The following KLF15 variants were observed in gnomAD, a reference collection of about 807,000 sequenced individuals.
The protein encoded by KLF15 is KLF transcription factor 15.
KLF15 carries 4 observed loss-of-function variants against 24.6 expected under a neutral mutation model. The observed-to-expected ratio is 0.16, with a 90% CI of 0.08 to 0.37. The LOEUF is 0.37. KLF15 is among the 10% of genes least tolerant of loss of function. The pLI is 1.00. For synonymous variants in KLF15, 246 were observed against 236.3 expected (o/e 1.04, Z -0.37); for missense variants, 496 against 560.6 (o/e 0.88, Z 1.16).
chr3:126,331,603 G>C, the KLF15 span, among the ~76,000 whole-genome samples: 1 of 152,128 alleles, frequency 6.6e-6, no homozygotes, highest in South Asian at 2.1e-4. Context: ...AATGTCTAGT[G>C]GGGGGGAGGA....
the KLF15 span, among the ~76,000 whole-genome samples, chr3:126,318,489 T>A: frequency 1.3e-5 from 2 of 152,144 alleles, no homozygotes; most frequent in Admixed American, 1.3e-4. Context: ...GCAAGCCAAC[T>A]ACTCATCTGA....
At chr3:126,299,316 G>T in the KLF15 span, among the ~76,000 whole-genome samples, 1 of 152,096 alleles carries the variant, frequency 6.6e-6, no homozygotes, top group Non-Finnish European at 1.5e-5. Flanking sequence ...TGTTGTTGGC[G>T]TATAGCAGTG....
the KLF15 span, among the ~76,000 whole-genome samples, chr3:126,321,261 C>T: frequency 2.0e-5 from 3 of 152,206 alleles, no homozygotes; most frequent in South Asian, 4.1e-4. Flanking sequence ...GAGGAAGAAT[C>T]GCCCCTGAAC....
At chr3:126,302,427 T>C in the KLF15 span, among the ~76,000 whole-genome samples, 1 of 133,384 alleles carries the variant, frequency 7.5e-6, no homozygotes, top group Non-Finnish European at 1.8e-5. Context: ...GCTTCTATAT[T>C]GTGGCTGATT....
chr3:126,289,917 AG>A, the KLF15 span, among the ~76,000 whole-genome samples: 7 of 152,170 alleles, frequency 4.6e-5, no homozygotes, highest in Non-Finnish European at 1.0e-4. Context: ...AGCCAGCTGG[AG>A]GGGACAGAGG....
the KLF15 span, among the ~76,000 whole-genome samples, chr3:126,317,084 C>A: frequency 2.6e-5 from 4 of 152,200 alleles, no homozygotes; most frequent in African/African-American, 9.6e-5. Flanking sequence ...AGCAGCAAAC[C>A]CATTAAGTCA....
rs1460277209 is a variant in KLF15, at chr3:126,351,975, T to C, written c.948A>G (p.Glu316=). Residue 316 remains glutamate (E), a synonymous_variant, in exon 2 of 3, where the codon GAA becomes GAG. Transcript: ENST00000296233. ...GQKFPKNPAA[E]LIKMHKCTFP... ...AAGTACATTTGTGCATTTTGATGAG[T>C]TCTGCGGCTGGGTTCTTGGGGAACT... The C allele has an allele frequency of 1.9e-6, 3 of 1,600,988 alleles. No homozygotes were observed. In the South Asian group the frequency reaches 3.4e-5, roughly 18 times the overall value.
At chr3:126,338,629 T>C (rs778525947), downstream of KLF15, among the ~76,000 whole-genome samples, 1 of 152,248 alleles carries the variant, frequency 6.6e-6, no homozygotes, top group Non-Finnish European at 1.5e-5. Context: ...TAATGTCTTA[T>C]TACTTTCACA....
the KLF15 span, among the ~76,000 whole-genome samples, chr3:126,328,302 T>G: frequency 1.3e-5 from 2 of 152,224 alleles, no homozygotes; most frequent in African/African-American, 2.4e-5. Context: ...CATATATATA[T>G]ATACCACAGT....
At chr3:126,323,447 T>TTATATA in the KLF15 span, among the ~76,000 whole-genome samples, 174 of 52,212 alleles carry the variant, frequency 3.3e-3, 1 homozygote, top group East Asian at 0.04. Flanking sequence ...CATATATATG[T>TTATATA]TATATATATA....
chr3:126,305,695 G>A, the KLF15 span, among the ~76,000 whole-genome samples: 1 of 152,232 alleles, frequency 6.6e-6, no homozygotes, highest in African/African-American at 2.4e-5. Context: ...GAAGGCAAGA[G>A]TGGAAGTTTT....
chr3:126,355,441 C>G (rs541359589), intron 1 of KLF15, among the ~76,000 whole-genome samples: 1 of 152,200 alleles, frequency 6.6e-6, no homozygotes, highest in South Asian at 2.1e-4. Flanking sequence ...AGCCTCAGCC[C>G]GGGGCCACTG....
chr3:126,302,867 A>AT, the KLF15 span, among the ~76,000 whole-genome samples: 2 of 152,090 alleles, frequency 1.3e-5, no homozygotes, highest in Non-Finnish European at 2.9e-5. Flanking sequence ...TCTGTCTTTT[A>AT]TCTGGAGTGT....
At chr3:126,294,878 C>T in the KLF15 span, among the ~76,000 whole-genome samples, 3 of 151,502 alleles carry the variant, frequency 2.0e-5, no homozygotes, top group Non-Finnish European at 2.9e-5. Context: ...CACACACACA[C>T]ACACACACAC....
At chr3:126,302,431 G>T in the KLF15 span, among the ~76,000 whole-genome samples, 1 of 131,786 alleles carries the variant, frequency 7.6e-6, no homozygotes, top group African/African-American at 2.5e-5. Flanking sequence ...CTATATTGTG[G>T]CTGATTTTCT....
chr3:126,328,838 T>C, the KLF15 span, among the ~76,000 whole-genome samples: 1 of 152,254 alleles, frequency 6.6e-6, no homozygotes, highest in African/African-American at 2.4e-5. Flanking sequence ...CTACTTGCCA[T>C]TTGCATGTCT....
Position 126,352,652 on chromosome 3 carries a change from C to T in KLF15, c.271G>A (p.Gly91Ser). 1 of 1,598,882 alleles carries T rather than the reference C, an allele frequency of 6.3e-7. No individual in the cohort carries two copies. Among genetic ancestry groups the T allele is most frequent in the Non-Finnish European group, 8.5e-7 (1 of 1,173,210 alleles). The change falls in exon 2 of 3, where the codon GGC (glycine) becomes AGC (serine). Residue 91 changes from glycine to serine, a missense_variant. Gly to Ser is a moderately conservative substitution (Grantham distance 56, BLOSUM62 0). Coordinates refer to ENST00000296233, the MANE Select transcript of KLF15 (RefSeq NM_014079.4). ...LSQATLGSGG[G>S]SGSSIGASSG... Reference sequence around the variant, plus strand: ...CTGGCCCCAATGCTACTGCCGCTGCCCCCGCCACTGCCCAGCGTGGCCTGG... The same window carrying T: ...CTGGCCCCAATGCTACTGCCGCTGCTCCCGCCACTGCCCAGCGTGGCCTGG...
the KLF15 span, among the ~76,000 whole-genome samples, chr3:126,329,179 C>T: frequency 6.6e-6 from 1 of 152,198 alleles, no homozygotes; most frequent in Admixed American, 6.5e-5. Context: ...GTGAGAAGAA[C>T]CTCCATCTTT....
chr3:126,300,855 A>G, the KLF15 span, among the ~76,000 whole-genome samples: 1 of 152,188 alleles, frequency 6.6e-6, no homozygotes, highest in East Asian at 1.9e-4. Flanking sequence ...AGCACAAGGA[A>G]CCATCCTCCA....
Sources: gnomAD v4.1 joint callset for allele counts (sites outside exome capture counted in the v4.1 genomes callset) on GRCh38, gnomAD v4.1.1 for gene constraint, MANE v1.5 for transcripts, NCBI Gene and HGNC (gene_info 2026-07-23, HGNC 2026-07-21) for gene names.